ASPRV1: variants seen among roughly 807,000 people sequenced by gnomAD.
ASPRV1 encodes the protein retroviral-like aspartic protease 1.
ASPRV1 carries 7 observed loss-of-function variants against 11.0 expected under a neutral mutation model. That is an observed-to-expected ratio of 0.64 (90% confidence interval 0.36 to 1.20). ASPRV1 has a LOEUF of 1.20. ASPRV1 is among the 50% of genes most tolerant of loss of function. ASPRV1 has a pLI of 0.02. For missense variants in ASPRV1, 299 were observed against 320.0 expected (o/e 0.93, Z 0.50); for synonymous variants, 136 against 138.4 (o/e 0.98, Z 0.12).
the ASPRV1 span, among the ~76,000 whole-genome samples, chr2:70,009,154 T>C: frequency 7.2e-5 from 11 of 152,114 alleles, no homozygotes; most frequent in Non-Finnish European, 1.5e-5. Context: ...GTGTAAACAT[T>C]TCCACCAAAT....
At chr2:70,080,288 A>AC in the ASPRV1 span, among the ~76,000 whole-genome samples, 1 of 150,790 alleles carries the variant, frequency 6.6e-6, no homozygotes, top group Non-Finnish European at 1.5e-5. Flanking sequence ...GTGCAATGGC[A>AC]CCATCTTGGG....
the ASPRV1 span, among the ~76,000 whole-genome samples, chr2:70,084,260 A>G: frequency 1.3e-5 from 2 of 152,226 alleles, no homozygotes; most frequent in Admixed American, 1.3e-4. Context: ...AAAGACCAGA[A>G]GAAGGCTTTG....
At chr2:70,002,726 T>TC in the ASPRV1 span, among the ~76,000 whole-genome samples, 1 of 152,186 alleles carries the variant, frequency 6.6e-6, no homozygotes, top group Non-Finnish European at 1.5e-5. Context: ...AGGGAGCACT[T>TC]CCCCTCCATC....
chr2:69,937,127 C>T, the ASPRV1 span: 22 of 1,400,570 alleles, frequency 1.6e-5, no homozygotes, highest in Non-Finnish European at 2.0e-5. Flanking sequence ...CACCGAAAGG[C>T]GTCTGAGGAA....
chr2:69,995,802 C>T, the ASPRV1 span, among the ~76,000 whole-genome samples: 1 of 152,156 alleles, frequency 6.6e-6, no homozygotes, highest in Non-Finnish European at 1.5e-5. Flanking sequence ...ACCGCCTTCT[C>T]ATGCAGGCAG....
chr2:69,948,335 G>A, the ASPRV1 span, among the ~76,000 whole-genome samples: 4 of 152,232 alleles, frequency 2.6e-5, no homozygotes, highest in Non-Finnish European at 5.9e-5. Flanking sequence ...AGCAGAGACA[G>A]GTCACGGCAG....
chr2:69,941,802 T>C, the ASPRV1 span: 122 of 152,190 alleles, frequency 8.0e-4, no homozygotes, highest in African/African-American at 2.9e-3. Context: ...GTGGGCTTAT[T>C]TCTTCTTGCC....
the ASPRV1 span, among the ~76,000 whole-genome samples, chr2:70,037,634 A>AT: frequency 0.15 from 22,950 of 151,732 alleles, 2,690 homozygotes; most frequent in South Asian, 0.3. Flanking sequence ...TTTTTGTGGT[A>AT]TTTTTTTTCC....
the ASPRV1 span, among the ~76,000 whole-genome samples, chr2:69,955,054 C>G: frequency 9.2e-5 from 14 of 152,234 alleles, no homozygotes; most frequent in Non-Finnish European, 1.8e-4. Flanking sequence ...AAAAGCATAA[C>G]AGCTTTTCTT....
At chr2:70,048,989 A>G in the ASPRV1 span, 2 of 151,536 alleles carry the variant, frequency 1.3e-5, no homozygotes, top group African/African-American at 2.4e-5. Flanking sequence ...CAACTTGATC[A>G]TATGTGCAAA....
the ASPRV1 span, among the ~76,000 whole-genome samples, chr2:69,995,676 G>T: frequency 3.8e-4 from 58 of 152,244 alleles, 1 homozygote; most frequent in South Asian, 7.2e-3. Flanking sequence ...GGGGCTTGCT[G>T]TGGTGGGAGC....
the ASPRV1 span, chr2:69,995,245 CA>C: frequency 6.8e-6 from 1 of 147,112 alleles, no homozygotes; most frequent in Non-Finnish European, 1.5e-5. Context: ...AAAAATTAGC[CA>C]GGCGTGGTGA....
At chr2:70,052,881 A>G in the ASPRV1 span, among the ~76,000 whole-genome samples, 2 of 152,174 alleles carry the variant, frequency 1.3e-5, no homozygotes, top group Non-Finnish European at 2.9e-5. Flanking sequence ...CTGCAGGGAC[A>G]GCTGGGAGCA....
the ASPRV1 span, among the ~76,000 whole-genome samples, chr2:69,980,815 G>A: frequency 6.6e-6 from 1 of 152,116 alleles, no homozygotes; most frequent in Non-Finnish European, 1.5e-5. Context: ...CGCTCTTGTT[G>A]CCCAGGATGG....
chr2:70,077,162 T>C, the ASPRV1 span: 1 of 152,196 alleles, frequency 6.6e-6, no homozygotes, highest in Admixed American at 6.5e-5. Flanking sequence ...ATAAAGTTCT[T>C]AGCACAGTGC....
At chr2:69,984,180 A>G in the ASPRV1 span, among the ~76,000 whole-genome samples, 1 of 152,156 alleles carries the variant, frequency 6.6e-6, no homozygotes, top group African/African-American at 2.4e-5. Flanking sequence ...CTGGGATTAC[A>G]GGGGTGCACC....
the ASPRV1 span, among the ~76,000 whole-genome samples, chr2:70,003,586 C>A: frequency 1.3e-5 from 2 of 152,220 alleles, no homozygotes; most frequent in African/African-American, 4.8e-5. Flanking sequence ...TGTAGCTGAG[C>A]TGGAAGACAG....
chr2:70,001,820 G>A, the ASPRV1 span, among the ~76,000 whole-genome samples: 3 of 152,006 alleles, frequency 2.0e-5, no homozygotes, highest in African/African-American at 7.3e-5. Context: ...TATATATAAT[G>A]GACACAATTG....
At chr2:70,057,637 C>T in the ASPRV1 span, among the ~76,000 whole-genome samples, 10 of 151,914 alleles carry the variant, frequency 6.6e-5, no homozygotes, top group Admixed American at 2.6e-4. Flanking sequence ...CACCACCACG[C>T]CCAGCTAATT....
Sources: allele counts gnomAD v4.1 joint callset (sites outside exome capture counted in the v4.1 genomes callset), GRCh38; gene constraint gnomAD v4.1.1; transcripts MANE v1.5; gene names NCBI Gene and HGNC (gene_info 2026-07-23, HGNC 2026-07-21).